FER: variants seen among roughly 807,000 people sequenced by gnomAD.
FER encodes tyrosine-protein kinase Fer.
A neutral mutation model predicts 111.0 loss-of-function variants in FER; 63 were observed. That is an observed-to-expected ratio of 0.57 (90% CI 0.46 to 0.70). FER has a LOEUF of 0.70. FER is among the 30% of genes least tolerant of loss of function. FER has a pLI of 0.00. For missense variants in FER, 914 were observed against 954.0 expected (o/e 0.96, Z 0.55); for synonymous variants, 327 against 313.9 (o/e 1.04, Z -0.44).
At chr5:109,141,094 C>G (rs1753476298) in intron 17 of FER, among the ~76,000 whole-genome samples, 1 of 152,110 alleles carries the variant, frequency 6.6e-6, no homozygotes, top group Admixed American at 6.6e-5. Flanking sequence ...CAGGTCAGCA[C>G]CTTCAGAGGG....
At chr5:109,047,061 A>G (rs528988847) in intron 15 of FER, 43 bp from the exon 16 acceptor site, 3 of 1,038,032 alleles carry the variant, frequency 2.9e-6, no homozygotes, top group African/African-American at 1.6e-5. Context: ...TTAATGCTTT[A>G]TTATTCAAAT....
At chr5:109,089,136 G>A (rs1777882378) in intron 16 of FER, among the ~76,000 whole-genome samples, 1 of 152,194 alleles carries the variant, frequency 6.6e-6, no homozygotes, top group South Asian at 2.1e-4. Context: ...TATAGGGTGG[G>A]TGGCAGATCT....
chr5:108,893,509 T>C (rs1748520803), intron 9 of FER, among the ~76,000 whole-genome samples: 1 of 152,020 alleles, frequency 6.6e-6, no homozygotes, highest in Non-Finnish European at 1.5e-5. Flanking sequence ...TTCCTAGAAG[T>C]AGGAGGTCTT....
chr5:108,883,853 A>G (rs1347436191), intron 9 of FER, among the ~76,000 whole-genome samples: 1 of 151,916 alleles, frequency 6.6e-6, no homozygotes, highest in African/African-American at 2.4e-5. Context: ...CCCATTGTGA[A>G]TTCCCCTGTT....
intron 5 of FER, among the ~76,000 whole-genome samples, chr5:108,845,043 T>TATATATATATATATATAC (rs1761855232): frequency 1.7e-4 from 5 of 29,336 alleles, no homozygotes; most frequent in African/African-American, 3.0e-4. Context: ...TATATATACA[T>TATATATATATATATATAC]ATATATATAT....
At chr5:108,851,462 G>C (rs1394610111) in intron 5 of FER, among the ~76,000 whole-genome samples, 2 of 152,064 alleles carry the variant, frequency 1.3e-5, no homozygotes, top group Non-Finnish European at 2.9e-5. Context: ...ATGAGATTTG[G>C]GTGGGGACAA....
At chr5:109,121,101 G>C (rs1019406876) in intron 17 of FER, among the ~76,000 whole-genome samples, 4 of 151,954 alleles carry the variant, frequency 2.6e-5, no homozygotes, top group Non-Finnish European at 5.9e-5. Context: ...TCTCTTGTCT[G>C]ATTGCTCTAG....
chr5:108,820,371 C>T lies in FER; in HGVS notation c.208-12399C>T, dbSNP rs935309568. The T allele has an allele frequency of 1.6e-5, 16 of 985,150 alleles. No individual in the cohort carries two copies. The East Asian group carries it at 3.4e-4, about 21-fold the overall frequency. The allele number at this position is 985,150 out of a possible 1,614,324, so 61.0% of individuals were successfully genotyped here. ...GTAGGAGAAAACTGCTGAGGTTAGG[C>T]GATTTACTTCTGAAGAATAAAGGTG... On this transcript the variant is annotated intron_variant, in intron 3 of 19. Coordinates refer to ENST00000281092, the MANE Select transcript of FER (RefSeq NM_005246.4).
chr5:108,808,958 G>A (rs1757472733), intron 3 of FER, among the ~76,000 whole-genome samples: 1 of 152,196 alleles, frequency 6.6e-6, no homozygotes, highest in Non-Finnish European at 1.5e-5. Context: ...GAAGTCCACT[G>A]TTGGCCTGAC....
chr5:109,156,557 T>G (rs1582297524), intron 17 of FER, among the ~76,000 whole-genome samples: 1 of 151,752 alleles, frequency 6.6e-6, no homozygotes, highest in South Asian at 2.1e-4. Context: ...TAGATGACAG[T>G]AAGAGCCATA....
intron 11 of FER, among the ~76,000 whole-genome samples, chr5:108,949,596 G>C (rs1299863817): frequency 6.6e-6 from 1 of 152,118 alleles, no homozygotes; most frequent in Non-Finnish European, 1.5e-5. Context: ...TATGTTTGCT[G>C]AAATGCTTAA....
At chr5:109,181,878 C>A (rs4446517) in intron 18 of FER, among the ~76,000 whole-genome samples, 75,392 of 151,968 alleles carry the variant, frequency 0.5, 19,074 homozygotes, top group Middle Eastern at 0.55. Flanking sequence ...AAAATAAAAC[C>A]CTGTCACCAA....
At chr5:108,943,146 G>T (rs1304488291) in intron 10 of FER, among the ~76,000 whole-genome samples, 8 of 152,080 alleles carry the variant, frequency 5.3e-5, no homozygotes. Context: ...GGGTACCTCA[G>T]GCGAACTGTG....
chr5:109,137,062 A>G (rs1335457709), intron 17 of FER, among the ~76,000 whole-genome samples: 1 of 151,962 alleles, frequency 6.6e-6, no homozygotes, highest in African/African-American at 2.4e-5. Flanking sequence ...AAAGTCTCTT[A>G]GTTTACTTAA....
intron 5 of FER, among the ~76,000 whole-genome samples, chr5:108,844,107 C>CAT (rs1237008730): frequency 1.7e-4 from 16 of 95,158 alleles, no homozygotes; most frequent in South Asian, 3.1e-4. Flanking sequence ...TGTGTGTGAA[C>CAT]ATGTGTGTGA....
At chr5:108,766,746 G>C (rs1752362698) in intron 1 of FER, among the ~76,000 whole-genome samples, 1 of 152,182 alleles carries the variant, frequency 6.6e-6, no homozygotes, top group Non-Finnish European at 1.5e-5. Context: ...GGCAGTAGAG[G>C]AAATGATGGG....
chr5:108,818,528 C>A (rs1758509548), intron 3 of FER, among the ~76,000 whole-genome samples: 1 of 152,034 alleles, frequency 6.6e-6, no homozygotes, highest in Non-Finnish European at 1.5e-5. Context: ...TATTAATATA[C>A]AACTCAGAAT....
At chr5:108,773,920 TTTTG>T (rs1020122153) in intron 2 of FER, among the ~76,000 whole-genome samples, 3 of 152,100 alleles carry the variant, frequency 2.0e-5, no homozygotes, top group African/African-American at 7.2e-5. Context: ...TCATTGTGGT[TTTTG>T]TTTGTTTGTT....
intron 3 of FER, among the ~76,000 whole-genome samples, chr5:108,811,507 A>G (rs1757754983): frequency 6.6e-6 from 1 of 152,206 alleles, no homozygotes; most frequent in African/African-American, 2.4e-5. Context: ...GCTAAGAAGT[A>G]TGTATTCTGC....
Sources: gnomAD v4.1 joint callset for allele counts (sites outside exome capture counted in the v4.1 genomes callset) on GRCh38, gnomAD v4.1.1 for gene constraint, MANE v1.5 for transcripts, NCBI Gene and HGNC (gene_info 2026-07-23, HGNC 2026-07-21) for gene names.